The following RANBP2 variants were observed in gnomAD, a reference collection of about 807,000 sequenced individuals.
RANBP2 encodes E3 SUMO-protein ligase RanBP2.
In RANBP2, 57 loss-of-function variants were observed where a neutral mutation model predicts 303.6. The ratio of observed to expected loss-of-function variants is 0.19; its 90% CI spans 0.15 to 0.23. The LOEUF (loss-of-function observed/expected upper bound fraction) is 0.23. Among genes scored for constraint, RANBP2 ranks in the 10% least tolerant of loss-of-function variants. RANBP2 has a pLI of 1.00. For missense variants in RANBP2, 3,138 were observed against 3,780.8 expected (o/e 0.83, Z 4.46); for synonymous variants, 1,167 against 1,301.5 (o/e 0.90, Z 2.23).
the RANBP2 span, among the ~76,000 whole-genome samples, chr2:109,390,646 G>A: frequency 1.6e-4 from 25 of 152,296 alleles, 1 homozygote; most frequent in African/African-American, 5.8e-4. Flanking sequence ...GTGGGGGTGC[G>A]GTCGGCATTT....
chr2:109,421,536 G>T, the RANBP2 span, among the ~76,000 whole-genome samples: 1 of 152,196 alleles, frequency 6.6e-6, no homozygotes, highest in Non-Finnish European at 1.5e-5. Flanking sequence ...AAACCTCCAT[G>T]TCCTGGATGG....
At chr2:108,794,173 T>C in the RANBP2 span, among the ~76,000 whole-genome samples, 1 of 152,230 alleles carries the variant, frequency 6.6e-6, no homozygotes, top group Admixed American at 6.5e-5. Context: ...AAGCAGCATG[T>C]AACACTTACT....
chr2:108,744,407 A>G (rs1301047349), intron 7 of RANBP2, among the ~76,000 whole-genome samples: 1 of 68,330 alleles, frequency 1.5e-5, no homozygotes, highest in East Asian at 2.2e-4. Flanking sequence ...CTCCATCTCA[A>G]AAAAAAAAAA....
chr2:108,753,535 G>A lies in RANBP2; in HGVS notation c.2027G>A (p.Ser676Asn), dbSNP rs1253749888. ...GTGACTGCTTTTGAATCTATAAAAAGTGTTGTTTCTTATTGGAATCTTGCA... is the reference window on the plus strand; with the variant it reads ...GTGACTGCTTTTGAATCTATAAAAAATGTTGTTTCTTATTGGAATCTTGCA... ...DAVTAFESIK[S>N]VVSYWNLALI... Residue 676 changes from serine to asparagine, a missense_variant, in exon 14 of 29, where the codon AGT becomes AAT. Physicochemically the swap from Ser to Asn is conservative, Grantham distance 46. Coordinates refer to ENST00000283195, the MANE Select transcript of RANBP2 (RefSeq NM_006267.5). 7 of 1,611,774 alleles carry A rather than the reference G, an allele frequency of 4.3e-6. No individual in the cohort carries two copies. The highest frequency in any genetic ancestry group is 3.3e-5 in the South Asian group (3 of 90,950).
the RANBP2 span, among the ~76,000 whole-genome samples, chr2:108,927,764 C>G: frequency 6.6e-6 from 1 of 152,066 alleles, no homozygotes; most frequent in Non-Finnish European, 1.5e-5. Context: ...TCCCATAGTC[C>G]CCTCAAATTC....
chr2:109,335,266 G>GA, the RANBP2 span, among the ~76,000 whole-genome samples: 1 of 152,252 alleles, frequency 6.6e-6, no homozygotes, highest in Non-Finnish European at 1.5e-5. Context: ...TCCCACACGA[G>GA]AACGGCTCTT....
the RANBP2 span, among the ~76,000 whole-genome samples, chr2:108,879,247 C>T: frequency 6.6e-6 from 1 of 152,202 alleles, no homozygotes; most frequent in Non-Finnish European, 1.5e-5. Context: ...GCTGGGATTA[C>T]AAGCATGAAC....
chr2:109,232,040 T>C, the RANBP2 span, among the ~76,000 whole-genome samples: 6 of 152,242 alleles, frequency 3.9e-5, no homozygotes, highest in Non-Finnish European at 8.8e-5. Context: ...CATTAGATGA[T>C]GGACATTTGG....
the RANBP2 span, among the ~76,000 whole-genome samples, chr2:109,619,578 GATC>G: frequency 2.0e-5 from 3 of 152,122 alleles, no homozygotes; most frequent in Non-Finnish European, 1.5e-5. Context: ...CTATCCGGGA[GATC>G]CCACTGTGAT....
At chr2:109,660,365 T>C in the RANBP2 span, among the ~76,000 whole-genome samples, 2 of 152,212 alleles carry the variant, frequency 1.3e-5, no homozygotes, top group African/African-American at 4.8e-5. Context: ...GAAAACTCTG[T>C]AACCAGTTCT....
the RANBP2 span, among the ~76,000 whole-genome samples, chr2:109,329,153 T>C: frequency 6.6e-6 from 1 of 152,192 alleles, no homozygotes; most frequent in Non-Finnish European, 1.5e-5. Flanking sequence ...GTTTCTCTCG[T>C]GTGGTTTCTC....
At chr2:109,732,245 G>C in the RANBP2 span, among the ~76,000 whole-genome samples, 1 of 152,106 alleles carries the variant, frequency 6.6e-6, no homozygotes. Flanking sequence ...GACAGACCTA[G>C]GCCACCTTCT....
chr2:109,563,342 G>A, the RANBP2 span, among the ~76,000 whole-genome samples: 1 of 152,066 alleles, frequency 6.6e-6, no homozygotes, highest in Non-Finnish European at 1.5e-5. Context: ...ATGCAACAGC[G>A]GCACTAATTT....
chr2:109,710,777 G>A, the RANBP2 span, among the ~76,000 whole-genome samples: 5 of 152,160 alleles, frequency 3.3e-5, no homozygotes, highest in East Asian at 9.6e-4. Flanking sequence ...AGGGGTGAGA[G>A]GAGACCTGGG....
chr2:109,343,789 G>T, the RANBP2 span, among the ~76,000 whole-genome samples: 1 of 151,314 alleles, frequency 6.6e-6, no homozygotes, highest in Non-Finnish European at 1.5e-5. Flanking sequence ...CTGTCACCTA[G>T]GCTGGAGTGC....
the RANBP2 span, among the ~76,000 whole-genome samples, chr2:109,144,306 T>C: frequency 1.3e-5 from 2 of 152,258 alleles, no homozygotes; most frequent in African/African-American, 4.8e-5. Context: ...CAATTTTTAT[T>C]TGTCTGTTAT....
At chr2:109,693,409 T>G in the RANBP2 span, among the ~76,000 whole-genome samples, 1 of 152,146 alleles carries the variant, frequency 6.6e-6, no homozygotes, top group African/African-American at 2.4e-5. Context: ...TCCACCCGCT[T>G]CGGCCTCCCA....
chr2:109,143,865 T>G, the RANBP2 span, among the ~76,000 whole-genome samples: 1 of 151,992 alleles, frequency 6.6e-6, no homozygotes, highest in Non-Finnish European at 1.5e-5. Context: ...TATTATTCAA[T>G]CTTAAAAAAG....
Position 108,763,224 on chromosome 2 carries a change from TTCTG to T in RANBP2, c.2698-9_2698-6del. 6.2e-7 allele frequency: 1 copy of T among 1,613,288 alleles called. No individual in the cohort carries two copies. The highest frequency in any genetic ancestry group is 8.5e-7 in the Non-Finnish European group (1 of 1,179,714). ...AGACAATCTACAAAATGTTTTAACT[TTCTG>T]TCTTTTAGGGCCCAGTCTATGGCAT... On this transcript the variant is annotated splice_polypyrimidine_tract_variant and intron_variant, in intron 19 of 28. Transcript: ENST00000283195.
Sources: gnomAD v4.1 joint callset for allele counts (sites outside exome capture counted in the v4.1 genomes callset) on GRCh38, gnomAD v4.1.1 for gene constraint, MANE v1.5 for transcripts, NCBI Gene and HGNC (gene_info 2026-07-23, HGNC 2026-07-21) for gene names.